The following DIS3L variants were observed in gnomAD, a reference collection of about 807,000 sequenced individuals.
The protein encoded by DIS3L is DIS3 like exosome 3'-5' exoribonuclease.
A neutral mutation model predicts 120.3 loss-of-function variants in DIS3L; 100 were observed. The observed-to-expected ratio is 0.83, with a 90% CI of 0.71 to 0.98. The LOEUF is 0.98. Among genes scored for constraint, DIS3L ranks in the 50% least tolerant of loss-of-function variants. DIS3L has a pLI of 0.00. For missense variants in DIS3L, 1,196 were observed against 1,314.2 expected, an observed-to-expected ratio of 0.91 and a Z score of 1.39; for synonymous variants, 426 against 470.6, an observed-to-expected ratio of 0.91 and a Z score of 1.23.
intron 4 of DIS3L, among the ~76,000 whole-genome samples, chr15:66,310,512 G>A (rs2092750063): frequency 6.6e-6 from 1 of 152,206 alleles, no homozygotes. Flanking sequence ...TCAGATGAAA[G>A]GGAAGCCTAG....
At chr15:66,332,047 A>G (rs774520526) in intron 15 of DIS3L, 27 bp downstream of exon 15, 1 of 1,582,106 alleles carries the variant, frequency 6.3e-7, no homozygotes, top group East Asian at 2.3e-5. Context: ...GCAATGGTGC[A>G]TAAGAAATCA....
chr15:66,310,834 A>T (rs1050544554), intron 4 of DIS3L, among the ~76,000 whole-genome samples: 3 of 152,178 alleles, frequency 2.0e-5, no homozygotes, highest in African/African-American at 7.2e-5. Context: ...TAAAATACAT[A>T]AAAAAGACAA....
rs535214657 is a variant in DIS3L, at chr15:66,330,328, G to C, written c.2535+929G>C. 43 of 985,022 alleles carry C rather than the reference G, an allele frequency of 4.4e-5. No individual in the cohort carries two copies. In the East Asian group the frequency reaches 4.7e-3, roughly 107 times the overall value. 61.0% of individuals were successfully genotyped at this position (985,022 alleles called of 1,614,324 possible). ...AAAAATCACACCGTGCCTGCTGTTT[G>C]AATCTGCTTTTTTCATGTAACCCAA... On this transcript the variant is annotated intron_variant, in intron 14 of 16. Transcript: ENST00000319212.
intron 6 of DIS3L, 123 bp from the exon 7 acceptor site, chr15:66,314,913 G>A: frequency 9.6e-7 from 1 of 1,045,834 alleles, no homozygotes; most frequent in South Asian, 1.9e-5. Flanking sequence ...CTCTACCTTT[G>A]AAAAGAAAAA....
chr15:66,327,506 C>T (rs1425462544), intron 12 of DIS3L, among the ~76,000 whole-genome samples: 1 of 152,050 alleles, frequency 6.6e-6, no homozygotes, highest in African/African-American at 2.4e-5. Flanking sequence ...GCCTGTAATC[C>T]CAGTACTTTG....
At position 66,332,802 on chromosome 15, in the gene DIS3L, T is replaced by A. The variant is rs149109779; in HGVS notation, c.2748T>A (p.Asp916Glu). The change falls in exon 16 of 17, where the codon GAT becomes GAA. Residue 916 changes from aspartate (D) to glutamate (E), a missense_variant. Transcript: ENST00000319212. Reference protein sequence around the residue: ...KDGLVISCGPDSCSEWKPGSL... With the variant: ...KDGLVISCGPESCSEWKPGSL... The stretch of plus-strand genomic sequence containing the variant: ...GTTTAGTCATCTCATGTGGCCCAGA[T>A]AGCTGTTCTGAATGGAAACCAGGAT... 1.3e-3 allele frequency: 2,121 copies of A among 1,614,022 alleles called. 2 individuals are homozygous for A. Among genetic ancestry groups the A allele is most frequent in the Non-Finnish European group, 1.7e-3 (1,965 of 1,179,974 alleles).
rs952089964 is a variant in DIS3L at position 66,317,482 on chromosome 15, A to C, written c.995-967A>C. On this transcript the variant is annotated intron_variant, in intron 7 of 16. Coordinates refer to ENST00000319212, the MANE Select transcript of DIS3L (RefSeq NM_001143688.3). ...TTTTCTGTGTATAATGGACCAAATA[A>C]GGTTAGCTGGTGAGAGAAGGCAAGA... Among the ~76,000 whole-genome samples the C allele has an allele frequency of 7.2e-5, 11 of 152,154 alleles. 1 individual carries two copies. The highest frequency in any genetic ancestry group is 7.2e-4 in the Admixed American group (11 of 15,264).
chr15:66,297,042 T>C (rs186660731), intron 2 of DIS3L, among the ~76,000 whole-genome samples: 22 of 152,306 alleles, frequency 1.4e-4, no homozygotes, highest in African/African-American at 4.8e-4. Flanking sequence ...ACGAGTATGA[T>C]TGAAGAAGAG....
chr15:66,318,516 G>C lies in DIS3L; in HGVS notation c.1062G>C (p.Glu354Asp), dbSNP rs774217832. ...DYVVTFPSKE[E>D]VQSQGKNAQK... Reference sequence around the variant, plus strand: ...TGGTGACATTTCCGTCCAAAGAAGAGGTCCAATCTCAGGGCAAAAATGCTC... The same window carrying C: ...TGGTGACATTTCCGTCCAAAGAAGACGTCCAATCTCAGGGCAAAAATGCTC... The change falls in exon 8 of 17, where the codon GAG (glutamate) becomes GAC (aspartate). Residue 354 changes from glutamate (E) to aspartate (D), a missense_variant. Glu to Asp is a conservative substitution (Grantham distance 45). Transcript: ENST00000319212. 1.2e-6 allele frequency: 2 copies of C among 1,613,862 alleles called. No individual in the cohort carries two copies. Among genetic ancestry groups the C allele is most frequent in the Non-Finnish European group, 1.7e-6 (2 of 1,180,022 alleles).
rs1169708881 is a variant in DIS3L, at chr15:66,328,976, TA to T, written c.2212del (p.Thr738HisfsTer17). On this transcript the variant is annotated frameshift_variant, in exon 13 of 17. Transcript: ENST00000319212. LOFTEE classifies it high-confidence loss of function. ...KGFFIDTRSN[K>X]TLADSLDNAN... ...TTTTTCTGTTCTTTGTCAGGTCCAATAAAACACTGGCTGATTCTCTGGATAA... is the reference window on the plus strand; with the variant it reads ...TTTTTCTGTTCTTTGTCAGGTCCAATAAACACTGGCTGATTCTCTGGATAA... The T allele has an allele frequency of 1.2e-6, 2 of 1,611,474 alleles. No individual in the cohort carries two copies. The highest frequency in any genetic ancestry group is 2.2e-5 in the South Asian group (2 of 90,468).
intron 7 of DIS3L, among the ~76,000 whole-genome samples, chr15:66,317,978 T>C (rs1402268905): frequency 1.3e-5 from 2 of 152,136 alleles, no homozygotes; most frequent in East Asian, 3.9e-4. Context: ...GGTTTTTGTT[T>C]ATGTGTTTGT....
At chr15:66,331,173 C>CT (rs2092994792) in intron 14 of DIS3L, among the ~76,000 whole-genome samples, 1 of 151,876 alleles carries the variant, frequency 6.6e-6, no homozygotes, top group African/African-American at 2.4e-5. Flanking sequence ...GACAAAGAAA[C>CT]TTTAATACAT....
intron 5 of DIS3L, among the ~76,000 whole-genome samples, chr15:66,313,652 C>A (rs542352489): frequency 1.3e-5 from 2 of 151,992 alleles, no homozygotes; most frequent in East Asian, 3.9e-4. Flanking sequence ...ATTGCTTCAA[C>A]CTGGGAGGCA....
At chr15:66,331,730 C>T (rs2092999850) in intron 14 of DIS3L, 145 bp from the exon 15 acceptor site, 4 of 906,398 alleles carry the variant, frequency 4.4e-6, no homozygotes, top group African/African-American at 3.4e-5. Context: ...GTTAAGTTCC[C>T]ACAAAAAGTA....
At chr15:66,316,320 T>TTA (rs1555403011) in intron 7 of DIS3L, among the ~76,000 whole-genome samples, 1 of 151,734 alleles carries the variant, frequency 6.6e-6, no homozygotes, top group Non-Finnish European at 1.5e-5. Context: ...TTTTTTTTTT[T>TTA]ACTCATCAGT....
chr15:66,293,467 G>A (rs2092543560), upstream of DIS3L: 3 of 1,225,870 alleles, frequency 2.4e-6, no homozygotes, highest in South Asian at 6.3e-5. Flanking sequence ...GTGTAGCTCC[G>A]GGCCTCCCCC....
At chr15:66,293,384 C>T, upstream of DIS3L, 2 of 968,126 alleles carry the variant, frequency 2.1e-6, no homozygotes, top group South Asian at 4.7e-5. Context: ...CGTTTCCACC[C>T]CTCCGCCCTG....
intron 4 of DIS3L, among the ~76,000 whole-genome samples, chr15:66,309,447 C>T (rs2092739128): frequency 6.6e-6 from 1 of 151,900 alleles, no homozygotes; most frequent in Non-Finnish European, 1.5e-5. Context: ...AATAAAATTG[C>T]CAATATTCTT....
At chr15:66,329,558 C>A in intron 14 of DIS3L, 159 bp downstream of exon 14, 1 of 1,321,942 alleles carries the variant, frequency 7.6e-7, no homozygotes, top group Non-Finnish European at 9.7e-7. Context: ...TCTCAGGTAA[C>A]TTGTGGATTT....
Sources: allele counts gnomAD v4.1 joint callset (sites outside exome capture counted in the v4.1 genomes callset), GRCh38; gene constraint gnomAD v4.1.1; transcripts MANE v1.5; gene names NCBI Gene and HGNC (gene_info 2026-07-23, HGNC 2026-07-21).